Variants in BMERB1 observed in about 807,000 individuals in gnomAD.
The protein encoded by BMERB1 is bMERB domain containing 1, also known as bMERB domain-containing protein 1.
A neutral mutation model predicts 23.6 loss-of-function variants in BMERB1; 12 were observed. The observed-to-expected ratio is 0.51, with a 90% CI of 0.33 to 0.82. The LOEUF (loss-of-function observed/expected upper bound fraction) is 0.82. BMERB1 is among the 40% of genes least tolerant of loss of function. The pLI, the probability that BMERB1 is intolerant of heterozygous loss-of-function variation, is 0.03. For synonymous variants in BMERB1, 122 were observed against 96.6 expected (o/e 1.26, Z -1.54); for missense variants, 247 against 255.4 (o/e 0.97, Z 0.22).
intron 2 of BMERB1, among the ~76,000 whole-genome samples, chr16:15,556,380 A>T (rs1278079093): frequency 6.6e-6 from 1 of 151,956 alleles, no homozygotes; most frequent in Admixed American, 6.6e-5. Context: ...TTTGATTCTC[A>T]TACAACCCCA....
intron 1 of BMERB1, among the ~76,000 whole-genome samples, chr16:15,482,961 C>T (rs1451791362): frequency 1.3e-5 from 2 of 152,002 alleles, no homozygotes; most frequent in Non-Finnish European, 2.9e-5. Context: ...CACACACGCG[C>T]GTAAAACACA....
intron 1 of BMERB1, among the ~76,000 whole-genome samples, chr16:15,463,364 G>T (rs973360612): frequency 6.6e-6 from 1 of 152,102 alleles, no homozygotes; most frequent in Non-Finnish European, 1.5e-5. Context: ...AAAGCCCTGG[G>T]ATTGCAGGCA....
At chr16:15,489,285 A>G (rs1241562334) in intron 1 of BMERB1, among the ~76,000 whole-genome samples, 1 of 152,202 alleles carries the variant, frequency 6.6e-6, no homozygotes, top group Admixed American at 6.5e-5. Flanking sequence ...AGGCAAATCA[A>G]CAAATGTCCA....
chr16:15,478,226 C>T (rs8048402), intron 1 of BMERB1, among the ~76,000 whole-genome samples: 135,625 of 152,084 alleles, frequency 0.89, 62,567 homozygotes, highest in East Asian at 1. Context: ...GGCACAATCT[C>T]GGCTCACTGC....
chr16:15,583,045 T>C, intron 4 of BMERB1, 111 bp from the exon 5 acceptor site: 1 of 806,650 alleles, frequency 1.2e-6, no homozygotes, highest in East Asian at 2.4e-5. Context: ...ACAACATACA[T>C]GCCCCATCCA....
At chr16:15,455,396 T>C (rs1022928074) in intron 1 of BMERB1, among the ~76,000 whole-genome samples, 3 of 151,938 alleles carry the variant, frequency 2.0e-5, no homozygotes, top group African/African-American at 7.2e-5. Context: ...TACTAGTGTG[T>C]CCAGCCATCC....
intron 2 of BMERB1, among the ~76,000 whole-genome samples, chr16:15,518,999 CTGAG>C (rs1342943602): frequency 6.6e-6 from 1 of 151,920 alleles, no homozygotes; most frequent in Non-Finnish European, 1.5e-5. Flanking sequence ...ATGCCTGGCA[CTGAG>C]TGTCATGAAT....
rs57412464 is a variant in BMERB1, at chr16:15,440,244, C to CA, written c.106+5511dup. Among the ~76,000 whole-genome samples, 450 of 64,674 alleles carry CA rather than the reference C, an allele frequency of 7.0e-3. 14 individuals carry two copies. The highest frequency in any genetic ancestry group is 0.032 in the East Asian group (68 of 2,110). 42.4% of individuals were successfully genotyped at this position (64,674 alleles called of 152,430 possible). On this transcript the variant is annotated intron_variant, in intron 1 of 5. Coordinates refer to ENST00000300006, the MANE Select transcript of BMERB1 (RefSeq NM_033201.3). The stretch of plus-strand genomic sequence containing the variant: ...TGGGTGACAGAGCAAGACTTAATCT[C>CA]AAAAAAAAAAAAAAAAAAAAAAAAA...
intron 1 of BMERB1, among the ~76,000 whole-genome samples, chr16:15,498,159 G>T (rs1324762325): frequency 6.6e-6 from 1 of 152,082 alleles, no homozygotes; most frequent in Non-Finnish European, 1.5e-5. Context: ...AGTAGGTCCA[G>T]GAGAAGCCCA....
chr16:15,447,973 T>C (rs1337193588), intron 1 of BMERB1: 2 of 452,898 alleles, frequency 4.4e-6, no homozygotes, highest in Middle Eastern at 8.4e-4. Flanking sequence ...CACTTCAACC[T>C]CCACCTCCTG....
chr16:15,459,581 G>A (rs1018079505), intron 1 of BMERB1, among the ~76,000 whole-genome samples: 1 of 152,128 alleles, frequency 6.6e-6, no homozygotes, highest in Admixed American at 6.6e-5. Flanking sequence ...TTATATATGT[G>A]TCCAATAACA....
chr16:15,583,245 A>T lies in BMERB1; in HGVS notation c.502+7A>T. The T allele has an allele frequency of 6.3e-7, 1 of 1,585,786 alleles. No individual in the cohort carries two copies. Among genetic ancestry groups the T allele is most frequent in the Non-Finnish European group, 8.7e-7 (1 of 1,154,310 alleles). Reference sequence around the variant, plus strand: ...GTAACCAAATCTCCAGCCAGTGAGTATATACATTATTCATTCCCCTCCCCC... The same window carrying T: ...GTAACCAAATCTCCAGCCAGTGAGTTTATACATTATTCATTCCCCTCCCCC... On this transcript the variant is annotated splice_region_variant and intron_variant, in intron 5 of 5. Transcript: ENST00000300006.
At chr16:15,494,690 C>T (rs981411195) in intron 1 of BMERB1, among the ~76,000 whole-genome samples, 6 of 151,990 alleles carry the variant, frequency 3.9e-5, no homozygotes, top group Admixed American at 3.3e-4. Flanking sequence ...AGTGGTTGAT[C>T]AAATGAAATT....
At chr16:15,508,690 G>A (rs2051621611) in intron 1 of BMERB1, among the ~76,000 whole-genome samples, 1 of 151,942 alleles carries the variant, frequency 6.6e-6, no homozygotes, top group Non-Finnish European at 1.5e-5. Flanking sequence ...ACTGGGTGTG[G>A]TGGAGTGAAC....
chr16:15,550,439 C>T (rs1185824055), intron 2 of BMERB1, among the ~76,000 whole-genome samples: 1 of 152,042 alleles, frequency 6.6e-6, no homozygotes, highest in Admixed American at 6.6e-5. Context: ...TTCAAGCGAT[C>T]CTCCCACCTC....
chr16:15,524,480 A>T (rs1338943820), intron 2 of BMERB1, among the ~76,000 whole-genome samples: 4 of 152,136 alleles, frequency 2.6e-5, no homozygotes. Flanking sequence ...GGAGAAATAC[A>T]TGTTAGTCTG....
chr16:15,452,317 A>G (rs1038084945), intron 1 of BMERB1, among the ~76,000 whole-genome samples: 3 of 79,502 alleles, frequency 3.8e-5, no homozygotes, highest in African/African-American at 1.4e-4. Context: ...AGGAAGGGAG[A>G]GAGAGGGAGG....
chr16:15,473,558 G>A (rs539790307), intron 1 of BMERB1, among the ~76,000 whole-genome samples: 4 of 152,122 alleles, frequency 2.6e-5, no homozygotes, highest in East Asian at 3.9e-4. Flanking sequence ...CTCCCAAAGT[G>A]CTGGGATTAC....
At chr16:15,561,683 A>G (rs1449481530) in intron 2 of BMERB1, among the ~76,000 whole-genome samples, 1 of 152,140 alleles carries the variant, frequency 6.6e-6, no homozygotes, top group Non-Finnish European at 1.5e-5. Flanking sequence ...GCTTGAGGCT[A>G]GGAGTTCTAG....
Sources: gnomAD v4.1 joint callset for allele counts (sites outside exome capture counted in the v4.1 genomes callset) on GRCh38, gnomAD v4.1.1 for gene constraint, MANE v1.5 for transcripts, NCBI Gene and HGNC (gene_info 2026-07-23, HGNC 2026-07-21) for gene names.